DNAH11: variants seen among roughly 807,000 people sequenced by gnomAD.
The protein encoded by DNAH11 is dynein axonemal heavy chain 11, also known as axonemal beta dynein heavy chain 11.
DNAH11 carries 442 observed loss-of-function variants against 526.0 expected under a neutral mutation model. The ratio of observed to expected loss-of-function variants is 0.84; its 90% CI spans 0.78 to 0.91. DNAH11 has a LOEUF of 0.91. Ranked by LOEUF, DNAH11 falls within the 40% of genes least tolerant of loss-of-function variation. The pLI is 0.00. For synonymous variants in DNAH11, 2,461 were observed against 1,935.9 expected (o/e 1.27, Z -7.12); for missense variants, 6,989 against 5,448.7 (o/e 1.28, Z -8.90).
chr7:21,699,726 A>C (rs559875863), intron 36 of DNAH11, among the ~76,000 whole-genome samples: 1 of 150,000 alleles, frequency 6.7e-6, no homozygotes, highest in Non-Finnish European at 1.5e-5. Context: ...TAATTTTATC[A>C]TGGTAACAAG....
chr7:21,742,013 A>G lies in DNAH11; in HGVS notation c.8001A>G (p.Gln2667=), dbSNP rs1270023876. ...IYGQIFSFHF[Q]QQAFAPSILR... ...GCCAAATCTTTAGCTTCCATTTCCA[A>G]CAGCAAGCATTTGCTCCATCAATTC... The change falls in exon 49 of 82, where the codon CAA becomes CAG. Residue 2667 remains glutamine, a synonymous_variant. Coordinates refer to ENST00000409508, the MANE Select transcript of DNAH11 (RefSeq NM_001277115.2). 6.2e-7 allele frequency: 1 copy of G among 1,613,952 alleles called. No individual in the cohort carries two copies. The highest frequency in any genetic ancestry group is 8.5e-7 in the Non-Finnish European group (1 of 1,179,862).
intron 66 of DNAH11, among the ~76,000 whole-genome samples, chr7:21,845,332 G>A (rs943345302): frequency 7.4e-4 from 112 of 152,180 alleles, no homozygotes; most frequent in African/African-American, 2.6e-3. Context: ...TAGGAGTTGT[G>A]TAGTTTTGGT....
chr7:21,731,327 A>G (rs1424182877), intron 45 of DNAH11, among the ~76,000 whole-genome samples: 1 of 152,218 alleles, frequency 6.6e-6, no homozygotes, highest in Non-Finnish European at 1.5e-5. Flanking sequence ...AAATTTAATT[A>G]TAGTTGTAAC....
chr7:21,833,700 A>G (rs1311703178), intron 65 of DNAH11, among the ~76,000 whole-genome samples: 1 of 152,118 alleles, frequency 6.6e-6, no homozygotes, highest in Non-Finnish European at 1.5e-5. Context: ...ACCTCAAAAA[A>G]TAAAAAATAA....
intron 39 of DNAH11, among the ~76,000 whole-genome samples, chr7:21,706,938 G>T (rs1003946842): frequency 6.6e-6 from 1 of 152,202 alleles, no homozygotes; most frequent in Non-Finnish European, 1.5e-5. Context: ...CACCTGTTCT[G>T]TGAGTTCTCA....
intron 63 of DNAH11, among the ~76,000 whole-genome samples, chr7:21,815,117 C>T (rs750509818): frequency 8.5e-5 from 13 of 152,142 alleles, no homozygotes; most frequent in South Asian, 2.1e-4. Flanking sequence ...TGGCTCTCTA[C>T]TCTGCACAGA....
chr7:21,756,774 G>A (rs1442963829), intron 54 of DNAH11, among the ~76,000 whole-genome samples: 3 of 152,004 alleles, frequency 2.0e-5, no homozygotes, highest in Non-Finnish European at 4.4e-5. Flanking sequence ...GCTAAATTCT[G>A]CTAATCCTGT....
intron 54 of DNAH11, among the ~76,000 whole-genome samples, chr7:21,759,782 G>A (rs1276404257): frequency 2.0e-5 from 3 of 152,158 alleles, no homozygotes; most frequent in African/African-American, 4.8e-5. Context: ...ATGTACTTAC[G>A]ATGAGATCTT....
At chr7:21,666,068 T>C (rs1236199712) in intron 30 of DNAH11, among the ~76,000 whole-genome samples, 1 of 152,096 alleles carries the variant, frequency 6.6e-6, no homozygotes, top group African/African-American at 2.4e-5. Flanking sequence ...GGTATCAGAG[T>C]TGTGTATAAT....
chr7:21,696,508 A>G (rs561228089), intron 35 of DNAH11, among the ~76,000 whole-genome samples: 82 of 152,216 alleles, frequency 5.4e-4, no homozygotes, highest in Non-Finnish European at 9.4e-4. Flanking sequence ...CTAGAAATCA[A>G]TGTAATAACT....
intron 45 of DNAH11, among the ~76,000 whole-genome samples, chr7:21,726,237 T>C (rs1171562621): frequency 6.6e-6 from 1 of 152,046 alleles, no homozygotes; most frequent in Non-Finnish European, 1.5e-5. Flanking sequence ...TGCACACTTT[T>C]AAATGGCCAG....
chr7:21,543,755 C>T (rs966749670), intron 1 of DNAH11, 159 bp downstream of exon 1: 2 of 695,516 alleles, frequency 2.9e-6, no homozygotes, highest in Non-Finnish European at 4.7e-6. Flanking sequence ...CTCCTCCCCA[C>T]GTGCACCCAC....
At chr7:21,850,354 CA>C (rs34141787) in intron 66 of DNAH11, among the ~76,000 whole-genome samples, 13,748 of 122,300 alleles carry the variant, frequency 0.11, 1,908 homozygotes, top group African/African-American at 0.33. Flanking sequence ...GACTCTGTCT[CA>C]AAAAAAAAAA....
At position 21,864,520 on chromosome 7, in the gene DNAH11, T is replaced by C. The variant is rs1277853489; in HGVS notation, c.11374-15T>C. ...GTAAACCTAATAATCCTTTTCAATT[T>C]TGTCTACTCTCAAGATTTTGTTGAG... is the stretch of plus-strand genomic sequence containing the variant. On this transcript the variant is annotated splice_polypyrimidine_tract_variant and intron_variant, in intron 69 of 81. Transcript: ENST00000409508. 1 of 1,608,366 alleles carries C rather than the reference T, an allele frequency of 6.2e-7. No homozygotes were observed. The highest frequency in any genetic ancestry group is 2.2e-5 in the East Asian group (1 of 44,718).
At chr7:21,808,631 C>G (rs184713232) in intron 63 of DNAH11, among the ~76,000 whole-genome samples, 1 of 152,182 alleles carries the variant, frequency 6.6e-6, no homozygotes, top group Non-Finnish European at 1.5e-5. Flanking sequence ...TAAGAACATA[C>G]GATATTTATC....
chr7:21,555,136 C>T (rs2128429125), intron 2 of DNAH11, among the ~76,000 whole-genome samples: 1 of 152,080 alleles, frequency 6.6e-6, no homozygotes, highest in East Asian at 1.9e-4. Context: ...AGAGTGTAGC[C>T]CATCTCCTCT....
chr7:21,898,117 T>C (rs950679529), intron 79 of DNAH11, among the ~76,000 whole-genome samples: 18 of 152,222 alleles, frequency 1.2e-4, no homozygotes, highest in African/African-American at 4.3e-4. Context: ...CTTGTTTATA[T>C]CAACAATCAC....
At chr7:21,712,977 A>C (rs1300129206) in intron 42 of DNAH11, among the ~76,000 whole-genome samples, 1 of 152,224 alleles carries the variant, frequency 6.6e-6, no homozygotes, top group Non-Finnish European at 1.5e-5. Flanking sequence ...TATATGGAAC[A>C]CTTACATAAA....
At chr7:21,642,322 C>A (rs1025381533) in intron 28 of DNAH11, among the ~76,000 whole-genome samples, 2 of 152,076 alleles carry the variant, frequency 1.3e-5, no homozygotes, top group Non-Finnish European at 2.9e-5. Context: ...TGAGAAGGAG[C>A]TAGGGGCCAT....
Sources: allele counts gnomAD v4.1 joint callset (sites outside exome capture counted in the v4.1 genomes callset), GRCh38; gene constraint gnomAD v4.1.1; transcripts MANE v1.5; gene names NCBI Gene and HGNC (gene_info 2026-07-23, HGNC 2026-07-21).